The following TGM4 variants were observed in gnomAD, a reference collection of about 807,000 sequenced individuals.
TGM4 encodes transglutaminase 4.
In TGM4, 61 loss-of-function variants were observed where a neutral mutation model predicts 76.3. The observed-to-expected ratio is 0.80, with a 90% CI of 0.65 to 0.99. The LOEUF is 0.99. TGM4 is among the 50% of genes least tolerant of loss of function. TGM4 has a pLI of 0.00. For synonymous variants in TGM4, 337 were observed against 329.8 expected (o/e 1.02, Z -0.24); for missense variants, 794 against 843.2 (o/e 0.94, Z 0.72).
Position 44,913,899 on chromosome 3 carries a change from G to C in TGM4, c.*174G>C. 2.5e-6 allele frequency: 2 copies of C among 792,414 alleles called. No homozygotes were observed. Among genetic ancestry groups the C allele is most frequent in the East Asian group, 5.5e-5 (2 of 36,340 alleles). The allele number at this position is 792,414 out of a possible 1,614,324, so 49.1% of individuals were successfully genotyped here. On this transcript the variant is annotated 3_prime_UTR_variant, in exon 14 of 14. Transcript: ENST00000296125. ...AGCCAGACCCACAAGGCCAGGTCCT[G>C]TGCTATCACAGGGTCACCTCTTTTA...
chr3:44,887,906 G>T, intron 3 of TGM4, 111 bp downstream of exon 3: 1 of 898,588 alleles, frequency 1.1e-6, no homozygotes. Context: ...ATGGTTTAAA[G>T]CCATCCACAG....
chr3:44,887,189 T>C (rs1699619438), intron 2 of TGM4, among the ~76,000 whole-genome samples: 1 of 152,204 alleles, frequency 6.6e-6, no homozygotes, highest in African/African-American at 2.4e-5. Context: ...GGAAAGAGGT[T>C]GGATTTGATT....
At chr3:44,890,435 C>T in intron 3 of TGM4, 168 bp from the exon 4 acceptor site, 1 of 881,368 alleles carries the variant, frequency 1.1e-6, no homozygotes, top group Non-Finnish European at 1.8e-6. Context: ...TGCATCCTGC[C>T]CTTGCAGGGG....
chr3:44,877,305 G>C (rs1250847971), intron 1 of TGM4, among the ~76,000 whole-genome samples: 2 of 152,190 alleles, frequency 1.3e-5, no homozygotes, highest in South Asian at 4.2e-4. Context: ...AAAATTAGCC[G>C]GGTGTGGTGG....
At chr3:44,913,547 G>A (rs746830703) in intron 13 of TGM4, 37 bp from the exon 14 acceptor site, 1 of 1,596,876 alleles carries the variant, frequency 6.3e-7, no homozygotes, top group Non-Finnish European at 8.5e-7. Flanking sequence ...TAACATCCTT[G>A]GCTGATTGTA....
At chr3:44,908,330 G>A (rs1699953273) in intron 10 of TGM4, among the ~76,000 whole-genome samples, 1 of 151,996 alleles carries the variant, frequency 6.6e-6, no homozygotes, top group African/African-American at 2.4e-5. Flanking sequence ...TCAGGGTTGT[G>A]TTGAAAATGA....
At chr3:44,896,894 A>ACTGTAAGCT (rs1001002211) in intron 6 of TGM4, 78 bp downstream of exon 6, 25 of 1,238,694 alleles carry the variant, frequency 2.0e-5, no homozygotes, top group Admixed American at 3.5e-5. Context: ...CCTCATCTAA[A>ACTGTAAGCT]CTGTAAGCTC....
At chr3:44,879,265 C>CTA (rs57611128) in intron 1 of TGM4, among the ~76,000 whole-genome samples, 3,149 of 92,078 alleles carry the variant, frequency 0.034, 69 homozygotes, top group African/African-American at 0.061. Context: ...CTCTCTCTCT[C>CTA]TATATATATA....
In TGM4 at chr3:44,874,651, C is replaced by G; in HGVS notation, c.-28C>G. ...CCAGGCATCAGAGATAGAGTCTTCCCTGGCATTGCAGGAGAGAATCTGAAG... is the reference window on the plus strand; with the variant it reads ...CCAGGCATCAGAGATAGAGTCTTCCGTGGCATTGCAGGAGAGAATCTGAAG... On this transcript the variant is annotated 5_prime_UTR_variant, in exon 1 of 14. Coordinates refer to ENST00000296125, the MANE Select transcript of TGM4 (RefSeq NM_003241.4). The G allele has an allele frequency of 6.2e-7, 1 of 1,614,194 alleles. No homozygotes were observed. The highest frequency in any genetic ancestry group is 1.7e-5 in the Admixed American group (1 of 60,016).
chr3:44,882,776 A>T (rs762734877), intron 1 of TGM4, among the ~76,000 whole-genome samples: 3 of 152,188 alleles, frequency 2.0e-5, no homozygotes, highest in Non-Finnish European at 2.9e-5. Flanking sequence ...CCAGGTGGAG[A>T]TATCTTCTGT....
chr3:44,892,835 C>G (rs543933845), intron 4 of TGM4, among the ~76,000 whole-genome samples: 1 of 152,118 alleles, frequency 6.6e-6, no homozygotes, highest in Non-Finnish European at 1.5e-5. Context: ...CTAGAAGTCC[C>G]CTTTTTTAAC....
Position 44,911,402 on chromosome 3 carries a change from C to A in TGM4, c.1909C>A (p.His637Asn). The A allele has an allele frequency of 6.2e-7, 1 of 1,614,076 alleles. No homozygotes were observed. Among genetic ancestry groups the A allele is most frequent in the African/African-American group, 1.3e-5 (1 of 75,056 alleles). ...CATCTCCTCACTACAGACCTCTGAC[C>A]ATGGGTGAGTCTGCCTGAGGTATTC... The part of the protein sequence containing the change: ...LGISSLQTSD[H>N]GTVQPGETIQ... The change falls in exon 13 of 14, where the codon CAT becomes AAT. Residue 637 changes from histidine (H) to asparagine (N), a missense_variant. Transcript: ENST00000296125.
Position 44,910,127 on chromosome 3 carries a change from C to T in TGM4, c.1365C>T (p.Phe455=). Reference sequence around the variant, plus strand: ...AGAGGCAGGTCATGGATCATGCCTTCCTCCTTCTCAGTTCTGAGAGGGAGC... The same window carrying T: ...AGAGGCAGGTCATGGATCATGCCTTTCTCCTTCTCAGTTCTGAGAGGGAGC... ...SEERQVMDHA[F]LLLSSEREHR... is the part of the protein sequence containing the mutation. The change falls in exon 11 of 14, where the codon TTC becomes TTT. Residue 455 remains phenylalanine, a synonymous_variant. Coordinates refer to ENST00000296125, the MANE Select transcript of TGM4 (RefSeq NM_003241.4). The T allele has an allele frequency of 6.2e-7, 1 of 1,614,166 alleles. No individual in the cohort carries two copies. Among genetic ancestry groups the T allele is most frequent in the Non-Finnish European group, 8.5e-7 (1 of 1,180,026 alleles).
At position 44,911,371 on chromosome 3, in the gene TGM4, C is replaced by T. The variant is rs1296604005; in HGVS notation, c.1878C>T (p.Ser626=). The change falls in exon 13 of 14, where the codon AGC becomes AGT. Residue 626 remains serine, a synonymous_variant. Coordinates refer to ENST00000296125, the MANE Select transcript of TGM4 (RefSeq NM_003241.4). ...PLTDVKFSLE[S]LGISSLQTSD... ...CTGACGTCAAGTTCTCTTTGGAAAG[C>T]CTGGGCATCTCCTCACTACAGACCT... is the stretch of plus-strand genomic sequence containing the variant. 1.2e-6 allele frequency: 2 copies of T among 1,614,242 alleles called. No individual in the cohort carries two copies. The highest frequency in any genetic ancestry group is 1.1e-5 in the South Asian group (1 of 91,088).
chr3:44,878,452 A>T (rs774149817), intron 1 of TGM4, among the ~76,000 whole-genome samples: 723 of 11,774 alleles, frequency 0.061, 7 homozygotes, highest in Middle Eastern at 0.15. Context: ...CTTTTGTTTT[A>T]TTATTATTAT....
intron 9 of TGM4, among the ~76,000 whole-genome samples, chr3:44,904,977 TG>T (rs1699903311): frequency 6.6e-6 from 1 of 151,170 alleles, no homozygotes; most frequent in Non-Finnish European, 1.5e-5. Context: ...CCACTGTGCC[TG>T]GCCTTTATTT....
chr3:44,879,683 G>T (rs1175128244), intron 1 of TGM4, among the ~76,000 whole-genome samples: 1 of 151,894 alleles, frequency 6.6e-6, no homozygotes. Flanking sequence ...TCACCGTGTT[G>T]GTCAGGCTGG....
intron 5 of TGM4, 128 bp downstream of exon 5, chr3:44,893,823 T>C (rs1352082075): frequency 1.5e-5 from 13 of 866,068 alleles, no homozygotes; most frequent in African/African-American, 1.2e-4. Flanking sequence ...GCCTCATACA[T>C]GTAAAACTTG....
chr3:44,891,439 C>A, intron 4 of TGM4, among the ~76,000 whole-genome samples: 1 of 131,048 alleles, frequency 7.6e-6, no homozygotes, highest in East Asian at 6.3e-4. Context: ...AACCTATACC[C>A]TTTATCATCC....
Sources: allele counts gnomAD v4.1 joint callset (sites outside exome capture counted in the v4.1 genomes callset), GRCh38; gene constraint gnomAD v4.1.1; transcripts MANE v1.5; gene names NCBI Gene and HGNC (gene_info 2026-07-23, HGNC 2026-07-21).